Variants in OSBPL10 observed in about 807,000 individuals in gnomAD.
OSBPL10 encodes the protein oxysterol-binding protein-related protein 10.
OSBPL10 carries 49 observed loss-of-function variants against 81.7 expected under a neutral mutation model. The ratio of observed to expected loss-of-function variants is 0.60; its 90% confidence interval spans 0.48 to 0.76. OSBPL10 has a LOEUF of 0.76. Among genes scored for constraint, OSBPL10 ranks in the 30% least tolerant of loss-of-function variants. The probability of loss-of-function intolerance (pLI) is 0.00; values close to 1 mark genes in which losing one functional copy is unlikely to be tolerated. For synonymous variants in OSBPL10, 419 were observed against 383.6 expected, an observed-to-expected ratio of 1.09 and a Z score of -1.08; for missense variants, 923 against 987.8, an observed-to-expected ratio of 0.93 and a Z score of 0.88.
chr3:31,811,137 G>A (rs1481885396), intron 4 of OSBPL10, among the ~76,000 whole-genome samples: 2 of 152,014 alleles, frequency 1.3e-5, no homozygotes, highest in African/African-American at 2.4e-5. Context: ...CCCCAGAAAG[G>A]GGCTCAGATG....
intron 2 of OSBPL10, among the ~76,000 whole-genome samples, chr3:32,037,161 G>C (rs141837427): frequency 6.6e-6 from 1 of 152,152 alleles, no homozygotes. Flanking sequence ...GCTCCCCTAC[G>C]TACCCCGTGT....
intron 10 of OSBPL10, among the ~76,000 whole-genome samples, chr3:31,667,791 CTTTA>C (rs1700233195): frequency 6.6e-6 from 1 of 152,230 alleles, no homozygotes; most frequent in African/African-American, 2.4e-5. Context: ...TCCAATAAAA[CTTTA>C]TTTACAAAAT....
chr3:31,800,390 A>G (rs1699349451), intron 4 of OSBPL10, among the ~76,000 whole-genome samples: 2 of 152,218 alleles, frequency 1.3e-5, no homozygotes, highest in Admixed American at 1.3e-4. Flanking sequence ...AGTACTAATG[A>G]TAATTCTCGG....
intron 6 of OSBPL10, among the ~76,000 whole-genome samples, 171 bp from the exon 7 acceptor site, chr3:31,702,679 G>A (rs183061818): frequency 1.6e-4 from 25 of 152,282 alleles, no homozygotes; most frequent in African/African-American, 5.1e-4. Context: ...CCTGGGGGTC[G>A]GACCTGTGCC....
At chr3:31,906,253 CCCACAAGCAGACTAGAG>C (rs1394356358) in intron 1 of OSBPL10, among the ~76,000 whole-genome samples, 1 of 152,168 alleles carries the variant, frequency 6.6e-6, no homozygotes. Flanking sequence ...CTTCAACTCT[CCCACAAGCAGACTAGAG>C]CCAAAAAAAA....
At position 31,747,945 on chromosome 3, in the gene OSBPL10, T is replaced by C. The variant is rs1452197709; in HGVS notation, c.905A>G (p.Gln302Arg). 3 of 1,613,968 alleles carry C rather than the reference T, an allele frequency of 1.9e-6. No individual in the cohort carries two copies. The highest frequency in any genetic ancestry group is 2.2e-5 in the South Asian group (2 of 91,070). ...TGGCTTCTGGCTGGGCTGGCCCGCC[T>C]GGTGCACACTCTGCTGTAACAAGTT... is the stretch of plus-strand genomic sequence containing the variant. The part of the protein sequence containing the change: ...CLNLLQQSVH[Q>R]AGQPSQKPGA... Residue 302 changes from glutamine to arginine, a missense_variant, in exon 5 of 12, where the codon CAG becomes CGG. This residue lies in a region of OSBPL10 where 514 missense variants were observed against 508.0 expected (regional missense o/e 1.01). Coordinates refer to ENST00000396556, the MANE Select transcript of OSBPL10 (RefSeq NM_017784.5).
intron 4 of OSBPL10, among the ~76,000 whole-genome samples, chr3:31,810,055 G>C (rs1203601097): frequency 2.0e-5 from 3 of 151,940 alleles, no homozygotes; most frequent in Non-Finnish European, 4.4e-5. Flanking sequence ...ATCTTTGATA[G>C]AGACAGGGTC....
chr3:31,965,677 TATATATTATATAAAATATATA>T (rs1273664285), intron 1 of OSBPL10, among the ~76,000 whole-genome samples: 2,782 of 50,132 alleles, frequency 0.055, 722 homozygotes, highest in African/African-American at 0.24. Context: ...TTTTATATAA[TATATATTATATAAAATATATA>T]ATATATTATA....
At chr3:32,037,685 A>G in intron 2 of OSBPL10, 1 of 174,374 alleles carries the variant, frequency 5.7e-6, no homozygotes, top group Non-Finnish European at 1.2e-5. Flanking sequence ...GATAAAAGAG[A>G]ATCCACTAGG....
intron 2 of OSBPL10, among the ~76,000 whole-genome samples, chr3:32,006,522 T>A (rs1250308083): frequency 6.6e-6 from 1 of 152,242 alleles, no homozygotes; most frequent in Non-Finnish European, 1.5e-5. Context: ...CCTTCAACCC[T>A]ACCTCTCTTC....
At chr3:31,976,312 A>G (rs1698695728) in intron 1 of OSBPL10, among the ~76,000 whole-genome samples, 1 of 152,252 alleles carries the variant, frequency 6.6e-6, no homozygotes, top group African/African-American at 2.4e-5. Flanking sequence ...TGAACTAATG[A>G]AAAGAGTAAC....
intron 1 of OSBPL10, 124 bp from the exon 2 acceptor site, chr3:31,879,954 A>G (rs1021618712): frequency 1.9e-6 from 2 of 1,043,734 alleles, no homozygotes; most frequent in African/African-American, 1.6e-5. Context: ...CTGGAAACCA[A>G]AAGTCCCTCC....
At chr3:31,674,412 T>C (rs534067536) in intron 8 of OSBPL10, among the ~76,000 whole-genome samples, 1 of 151,964 alleles carries the variant, frequency 6.6e-6, no homozygotes, top group East Asian at 1.9e-4. Flanking sequence ...AAAAAAAAAT[T>C]AGCTGTGCAT....
At chr3:31,995,642 C>T (rs773336223) in intron 2 of OSBPL10, among the ~76,000 whole-genome samples, 8 of 152,126 alleles carry the variant, frequency 5.3e-5, no homozygotes, top group Admixed American at 4.6e-4. Flanking sequence ...ACATCCTCAG[C>T]TTACGAAGAT....
chr3:32,009,971 G>A (rs907309366), intron 2 of OSBPL10, among the ~76,000 whole-genome samples: 3 of 152,166 alleles, frequency 2.0e-5, no homozygotes, highest in Non-Finnish European at 2.9e-5. Flanking sequence ...TTCATATGCT[G>A]AATCCCTAAC....
In OSBPL10 at chr3:31,753,686, A is replaced by G. The variant is rs146981505; in HGVS notation, c.730-5566T>C. 2.2e-4 allele frequency among the ~76,000 whole-genome samples: 34 copies of G among 152,326 alleles called. No individual in the cohort carries two copies. The East Asian group carries it at 6.4e-3, about 28-fold the overall frequency. On this transcript the variant is annotated intron_variant, in intron 4 of 11. Transcript: ENST00000396556. ...ATCAACGCTTTAATAAAAACCATCA[A>G]CACTCTGCCCTCTAAAAGTCTTTGA...
intron 4 of OSBPL10, among the ~76,000 whole-genome samples, chr3:31,823,164 G>C (rs1035542279): frequency 6.6e-6 from 1 of 152,120 alleles, no homozygotes; most frequent in African/African-American, 2.4e-5. Flanking sequence ...ATGAGTACCT[G>C]ACAACCCTCA....
At chr3:32,069,554 C>G (rs1575096069) in intron 1 of OSBPL10, among the ~76,000 whole-genome samples, 1 of 152,344 alleles carries the variant, frequency 6.6e-6, no homozygotes, top group East Asian at 1.9e-4. Flanking sequence ...AGACGCTTTA[C>G]CGCCCTAGAC....
intron 4 of OSBPL10, among the ~76,000 whole-genome samples, chr3:31,820,345 C>T (rs1699951289): frequency 6.6e-6 from 1 of 151,950 alleles, no homozygotes; most frequent in South Asian, 2.1e-4. Context: ...GCCTATAATC[C>T]CAGTGCTTTG....
Sources: gnomAD v4.1 joint callset for allele counts (sites outside exome capture counted in the v4.1 genomes callset) on GRCh38, gnomAD v4.1.1 for gene constraint, gnomAD v4.1.1 regional missense constraint, MANE v1.5 for transcripts, NCBI Gene and HGNC (gene_info 2026-07-23, HGNC 2026-07-21) for gene names.